The following AKAP13 variants were observed in gnomAD, a reference collection of about 807,000 sequenced individuals.
AKAP13 encodes the protein A-kinase anchor protein 13.
AKAP13 carries 80 observed loss-of-function variants against 264.5 expected under a neutral mutation model. The ratio of observed to expected loss-of-function variants is 0.30; its 90% confidence interval spans 0.25 to 0.36. AKAP13 has a LOEUF of 0.36. Among genes scored for constraint, AKAP13 ranks in the 10% least tolerant of loss-of-function variants. The pLI, the probability that AKAP13 is intolerant of heterozygous loss-of-function variation, is 1.00. For synonymous variants in AKAP13, 1,380 were observed against 1,250.2 expected, an observed-to-expected ratio of 1.10 and a Z score of -2.19; for missense variants, 3,712 against 3,435.2, an observed-to-expected ratio of 1.08 and a Z score of -2.01.
rs556022630 is a variant in AKAP13 at position 85,542,049 on chromosome 15, A to G, written c.479-1723A>G. ...AAGGTTGGAAATAACTAGCCTCTAA[A>G]GAATCAGGTATTTCCTAGTTAGTGC... On this transcript the variant is annotated intron_variant, in intron 4 of 36. Coordinates refer to ENST00000394518, the MANE Select transcript of AKAP13 (RefSeq NM_007200.5). 2.6e-5 allele frequency among the ~76,000 whole-genome samples: 4 copies of G among 152,364 alleles called. No homozygotes were observed. In the South Asian group the frequency reaches 8.3e-4, roughly 32 times the overall value.
chr15:85,576,926 C>T (rs1224070833), intron 6 of AKAP13, among the ~76,000 whole-genome samples: 9 of 152,208 alleles, frequency 5.9e-5, no homozygotes, highest in Non-Finnish European at 1.3e-4. Context: ...TGGGAACATA[C>T]ATGTGCTACT....
chr15:85,484,216 C>T (rs752906195), intron 1 of AKAP13, among the ~76,000 whole-genome samples: 13 of 152,306 alleles, frequency 8.5e-5, no homozygotes, highest in South Asian at 4.1e-4. Flanking sequence ...GCACTCAAGC[C>T]TTTCAATCTT....
chr15:85,582,846 G>C, intron 7 of AKAP13: 1 of 985,104 alleles, frequency 1.0e-6, no homozygotes, highest in Non-Finnish European at 1.2e-6. Context: ...CTGCTGAGCT[G>C]CTGTCACAGG....
intron 6 of AKAP13, chr15:85,577,923 C>T: frequency 1.4e-6 from 1 of 713,708 alleles, no homozygotes; most frequent in Non-Finnish European, 1.7e-6. Context: ...TGGAAAAGAG[C>T]TAGGATTTGT....
At chr15:85,436,827 G>C (rs1380146599) in intron 1 of AKAP13, among the ~76,000 whole-genome samples, 2 of 151,876 alleles carry the variant, frequency 1.3e-5, no homozygotes, top group Non-Finnish European at 2.9e-5. Flanking sequence ...AGTGTGTAGA[G>C]GGAAATTTAT....
intron 7 of AKAP13, among the ~76,000 whole-genome samples, chr15:85,583,865 C>T (rs1385995550): frequency 6.6e-6 from 1 of 152,150 alleles, no homozygotes; most frequent in Non-Finnish European, 1.5e-5. Flanking sequence ...TATGGACTTT[C>T]AGCAGTATAT....
chr15:85,505,769 ATCTT>A (rs535687172), intron 2 of AKAP13, among the ~76,000 whole-genome samples: 67 of 152,182 alleles, frequency 4.4e-4, no homozygotes, highest in Admixed American at 9.2e-4. Context: ...TGTGGATACT[ATCTT>A]AGTATTTTCC....
chr15:85,636,232 T>C (rs1006942293), intron 8 of AKAP13, among the ~76,000 whole-genome samples: 2 of 152,252 alleles, frequency 1.3e-5, no homozygotes, highest in South Asian at 4.1e-4. Flanking sequence ...ATTGCTAGTA[T>C]GTTGACTTTG....
chr15:85,547,804 C>A (rs1246421844), intron 5 of AKAP13, among the ~76,000 whole-genome samples: 1 of 152,074 alleles, frequency 6.6e-6, no homozygotes, highest in African/African-American at 2.4e-5. Context: ...TCTTATTTCC[C>A]TTTCTTTAAT....
chr15:85,529,779 T>C (rs2077191408), intron 3 of AKAP13, among the ~76,000 whole-genome samples: 1 of 152,202 alleles, frequency 6.6e-6, no homozygotes, highest in Non-Finnish European at 1.5e-5. Context: ...ACGCTTCCAA[T>C]GTACTCTTAA....
intron 27 of AKAP13, chr15:85,726,861 C>T (rs2087648402): frequency 1.6e-6 from 1 of 606,420 alleles, no homozygotes. Context: ...CCTTTAGAGC[C>T]ATAAATTACT....
chr15:85,558,131 A>C (rs888187146), intron 5 of AKAP13, among the ~76,000 whole-genome samples: 1 of 152,228 alleles, frequency 6.6e-6, no homozygotes, highest in African/African-American at 2.4e-5. Context: ...AGTTAAAAAA[A>C]ATCTGATCGC....
At chr15:85,562,605 ATC>A (rs1300975292) in intron 5 of AKAP13, among the ~76,000 whole-genome samples, 211 of 133,306 alleles carry the variant, frequency 1.6e-3, no homozygotes, top group East Asian at 9.5e-3. Context: ...ATATATATAT[ATC>A]TCTGTCCTTA....
In AKAP13 at chr15:85,620,240, C is replaced by G. The variant is rs550163556; in HGVS notation, c.4162-19134C>G. 7 of 1,442,558 alleles carry G rather than the reference C, an allele frequency of 4.9e-6. No individual in the cohort carries two copies. In the African/African-American group the frequency reaches 7.0e-5, roughly 14 times the overall value. 89.4% of individuals were successfully genotyped at this position (1,442,558 alleles called of 1,614,324 possible). A position where few individuals can be genotyped will look rare whatever the true frequency, so the allele number is the denominator to read the frequency against. ...TGTTTTAGCGCTTTGAACCCGGTAG[C>G]CATGTCCCTGGCCCTCCTGTATTGG... is the stretch of plus-strand genomic sequence containing the variant. On this transcript the variant is annotated intron_variant, in intron 8 of 36. Transcript: ENST00000394518.
chr15:85,491,260 A>G (rs1437774242), intron 2 of AKAP13, among the ~76,000 whole-genome samples: 1 of 152,006 alleles, frequency 6.6e-6, no homozygotes, highest in East Asian at 1.9e-4. Context: ...CTCAGAAAAC[A>G]TTAGAGCTCC....
chr15:85,563,816 A>T (rs909524696), intron 5 of AKAP13, among the ~76,000 whole-genome samples: 1 of 152,232 alleles, frequency 6.6e-6, no homozygotes, highest in Non-Finnish European at 1.5e-5. Context: ...ATTAATTTCC[A>T]CAACAACTTT....
chr15:85,466,276 G>T (rs1416746555), intron 1 of AKAP13, among the ~76,000 whole-genome samples: 1 of 151,898 alleles, frequency 6.6e-6, no homozygotes, highest in African/African-American at 2.4e-5. Flanking sequence ...TGACTAGGTT[G>T]TGAAAATTTT....
intron 1 of AKAP13, among the ~76,000 whole-genome samples, chr15:85,397,031 TC>T (rs1270753628): frequency 7.1e-6 from 1 of 141,214 alleles, no homozygotes; most frequent in Non-Finnish European, 1.5e-5. Context: ...ATTTGGTGAT[TC>T]CCCCCCGCCC....
In AKAP13 at chr15:85,579,354, C is replaced by T; in HGVS notation, c.1286C>T (p.Ser429Phe). The change falls in exon 7 of 37, where the codon TCT (serine) becomes TTT (phenylalanine). Residue 429 changes from serine (S) to phenylalanine (F), a missense_variant. Around this residue, in one of 3 missense-constraint regions of AKAP13, gnomAD observed 2,759 missense variants for 2,411.7 expected, o/e 1.14. Transcript: ENST00000394518. ...AGAAATGAAGAAACTGGAACAAAAT[C>T]TTCTGGAATGCCCACAGACCAGGAG... ...GNRNEETGTK[S>F]SGMPTDQESL... The T allele has an allele frequency of 6.2e-7, 1 of 1,614,228 alleles. No individual in the cohort carries two copies. The highest frequency in any genetic ancestry group is 8.5e-7 in the Non-Finnish European group (1 of 1,180,044).
Sources: gnomAD v4.1 joint callset for allele counts (sites outside exome capture counted in the v4.1 genomes callset) on GRCh38, gnomAD v4.1.1 for gene constraint, gnomAD v4.1.1 regional missense constraint, MANE v1.5 for transcripts, NCBI Gene and HGNC (gene_info 2026-07-23, HGNC 2026-07-21) for gene names.